The following CSRNP3 variants were observed in gnomAD, a reference collection of about 807,000 sequenced individuals.
CSRNP3 encodes the protein cysteine and serine rich nuclear protein 3.
In CSRNP3, 12 loss-of-function variants were observed where a neutral mutation model predicts 48.0. The ratio of observed to expected loss-of-function variants is 0.25; its 90% confidence interval spans 0.16 to 0.41. The LOEUF (loss-of-function observed/expected upper bound fraction) is 0.41. Among genes scored for constraint, CSRNP3 ranks in the 10% least tolerant of loss-of-function variants. The pLI is 1.00. For synonymous variants in CSRNP3, 263 were observed against 269.7 expected, an observed-to-expected ratio of 0.98 and a Z score of 0.24; for missense variants, 580 against 724.4, an observed-to-expected ratio of 0.80 and a Z score of 2.29.
chr2:165,559,943 G>A (rs1685210462), intron 3 of CSRNP3, among the ~76,000 whole-genome samples: 1 of 151,648 alleles, frequency 6.6e-6, no homozygotes, highest in African/African-American at 2.4e-5. Context: ...GGGACTACAG[G>A]CGCCCGCCAC....
chr2:165,522,254 T>A (rs1432195077), intron 3 of CSRNP3, among the ~76,000 whole-genome samples: 1 of 152,070 alleles, frequency 6.6e-6, no homozygotes, highest in Non-Finnish European at 1.5e-5. Context: ...ATCATGCCAC[T>A]GCACTCCAGC....
intron 3 of CSRNP3, among the ~76,000 whole-genome samples, chr2:165,535,611 C>A (rs1365139882): frequency 1.3e-5 from 2 of 151,712 alleles, no homozygotes; most frequent in African/African-American, 2.4e-5. Flanking sequence ...CTGGCCTTGG[C>A]AAATTTTATG....
chr2:165,512,058 T>C (rs1371748053), intron 2 of CSRNP3, among the ~76,000 whole-genome samples: 1 of 152,166 alleles, frequency 6.6e-6, no homozygotes, highest in Non-Finnish European at 1.5e-5. Context: ...AGTGTGAGCA[T>C]TTGTGGAATG....
chr2:165,663,498 G>GGTTT (rs1687130659), intron 5 of CSRNP3, among the ~76,000 whole-genome samples: 1 of 152,192 alleles, frequency 6.6e-6, no homozygotes, highest in Admixed American at 6.6e-5. Context: ...TAAACAAAAT[G>GGTTT]ATGGAGACTG....
chr2:165,614,355 A>G (rs983179863), intron 4 of CSRNP3, among the ~76,000 whole-genome samples: 2 of 152,174 alleles, frequency 1.3e-5, no homozygotes, highest in African/African-American at 4.8e-5. Context: ...GTTTTTCTAC[A>G]TATAAAATCA....
chr2:165,562,012 C>T (rs1404021188), intron 3 of CSRNP3, among the ~76,000 whole-genome samples: 1 of 152,084 alleles, frequency 6.6e-6, no homozygotes, highest in Non-Finnish European at 1.5e-5. Flanking sequence ...TTATTTAACA[C>T]ATGCCCATGA....
At position 165,681,196 on chromosome 2, in the gene CSRNP3, A is replaced by G. The variant is rs1687531069; in HGVS notation, c.*1443A>G. 2 of 152,154 alleles carry G rather than the reference A, an allele frequency of 1.3e-5. No individual in the cohort carries two copies. Among genetic ancestry groups the G allele is most frequent in the Non-Finnish European group, 2.9e-5 (2 of 68,028 alleles). 9.4% of individuals were successfully genotyped at this position (152,154 alleles called of 1,614,324 possible). ...CCTGTAAATTAATTTAGGTAACTAA[A>G]TAGTGTAATTCTGCCTTTTTTTTTC... On this transcript the variant is annotated 3_prime_UTR_variant, in exon 7 of 7. Coordinates refer to ENST00000651982, the MANE Select transcript of CSRNP3 (RefSeq NM_001172173.2).
At chr2:165,599,174 A>G (rs1172441755) in intron 4 of CSRNP3, among the ~76,000 whole-genome samples, 2 of 151,766 alleles carry the variant, frequency 1.3e-5, no homozygotes, top group East Asian at 3.9e-4. Context: ...GCAGTGAGCC[A>G]TGATTGCACC....
intron 4 of CSRNP3, among the ~76,000 whole-genome samples, chr2:165,621,909 T>G (rs944920475): frequency 6.6e-6 from 1 of 152,216 alleles, no homozygotes; most frequent in African/African-American, 2.4e-5. Flanking sequence ...TGAGAATGTT[T>G]ATTTTGTTCT....
At chr2:165,672,552 C>G (rs370805318) in intron 5 of CSRNP3, among the ~76,000 whole-genome samples, 1 of 152,144 alleles carries the variant, frequency 6.6e-6, no homozygotes, top group African/African-American at 2.4e-5. Context: ...TACTGGGTCC[C>G]TCCCACAACA....
chr2:165,477,605 GTT>G (rs1467896096), intron 1 of CSRNP3, among the ~76,000 whole-genome samples: 1 of 149,168 alleles, frequency 6.7e-6, no homozygotes, highest in African/African-American at 2.5e-5. Flanking sequence ...GGAGGCGGAG[GTT>G]ACAATCAGCC....
intron 3 of CSRNP3, among the ~76,000 whole-genome samples, chr2:165,522,120 A>G (rs991951980): frequency 1.3e-5 from 2 of 152,014 alleles, no homozygotes; most frequent in African/African-American, 4.8e-5. Flanking sequence ...GCAAAGCCCC[A>G]TCTCTACAAA....
intron 1 of CSRNP3, among the ~76,000 whole-genome samples, chr2:165,485,496 A>G (rs1684100293): frequency 6.6e-6 from 1 of 152,204 alleles, no homozygotes; most frequent in Non-Finnish European, 1.5e-5. Context: ...CTTCAAGACG[A>G]GCATCTCTCT....
intron 3 of CSRNP3, among the ~76,000 whole-genome samples, chr2:165,560,001 A>G (rs1336807275): frequency 4.0e-5 from 6 of 151,694 alleles, no homozygotes; most frequent in Non-Finnish European, 8.8e-5. Context: ...GGGTTTCACC[A>G]AGTTAGCCAG....
chr2:165,593,517 C>T (rs1302991948), intron 3 of CSRNP3, among the ~76,000 whole-genome samples: 1 of 152,188 alleles, frequency 6.6e-6, no homozygotes, highest in South Asian at 2.1e-4. Context: ...TCAGGTAGCA[C>T]ACTTTGCAAA....
intron 1 of CSRNP3, among the ~76,000 whole-genome samples, chr2:165,474,498 CAT>C (rs1469349031): frequency 6.6e-6 from 1 of 152,068 alleles, no homozygotes; most frequent in Non-Finnish European, 1.5e-5. Flanking sequence ...ATTACCTTTT[CAT>C]ATTTTAGTCT....
intron 3 of CSRNP3, among the ~76,000 whole-genome samples, chr2:165,529,047 C>T (rs564729627): frequency 7.0e-6 from 1 of 142,302 alleles, no homozygotes; most frequent in African/African-American, 2.6e-5. Context: ...GGGGTCCCTG[C>T]ATTCTTGGGG....
rs182861922 is a variant in CSRNP3, at chr2:165,508,937, A to G, written c.-112-8936A>G. 1.9e-3 allele frequency among the ~76,000 whole-genome samples: 285 copies of G among 152,318 alleles called. 3 individuals carry two copies. The highest frequency in any genetic ancestry group is 3.1e-3 in the Non-Finnish European group (211 of 68,026). ...TATATTCTTTAAAAAATATCCTTATAGACTTATACTTCACCTTTTATGAGA... is the reference window on the plus strand; with the variant it reads ...TATATTCTTTAAAAAATATCCTTATGGACTTATACTTCACCTTTTATGAGA... On this transcript the variant is annotated intron_variant, in intron 2 of 6. Coordinates refer to ENST00000651982, the MANE Select transcript of CSRNP3 (RefSeq NM_001172173.2).
At chr2:165,520,742 G>T (rs10210374) in intron 3 of CSRNP3, among the ~76,000 whole-genome samples, 58,519 of 128,818 alleles carry the variant, frequency 0.45, 12,850 homozygotes, top group Middle Eastern at 0.47. Flanking sequence ...CTATTTTATA[G>T]ATATATAAAT....
Sources: gnomAD v4.1 joint callset for allele counts (sites outside exome capture counted in the v4.1 genomes callset) on GRCh38, gnomAD v4.1.1 for gene constraint, MANE v1.5 for transcripts, NCBI Gene and HGNC (gene_info 2026-07-23, HGNC 2026-07-21) for gene names.